Variants in RPIA observed in about 807,000 individuals in gnomAD.
RPIA encodes ribose-5-phosphate isomerase.
A neutral mutation model predicts 37.8 loss-of-function variants in RPIA; 29 were observed. The observed-to-expected ratio is 0.77, with a 90% confidence interval of 0.57 to 1.05. The LOEUF is 1.05. RPIA is among the 50% of genes least tolerant of loss of function. The pLI is 0.00. For synonymous variants in RPIA, 167 were observed against 157.0 expected (o/e 1.06, Z -0.48); for missense variants, 385 against 413.6 (o/e 0.93, Z 0.60).
intron 3 of RPIA, among the ~76,000 whole-genome samples, chr2:88,725,899 G>C (rs1404466642): frequency 6.6e-6 from 1 of 152,204 alleles, no homozygotes; most frequent in Non-Finnish European, 1.5e-5. Flanking sequence ...GGCTTAAAGT[G>C]TTCTCTCCTA....
chr2:88,744,672 G>C (rs1028153598), intron 8 of RPIA, among the ~76,000 whole-genome samples: 11 of 152,242 alleles, frequency 7.2e-5, no homozygotes, highest in African/African-American at 2.4e-4. Flanking sequence ...AAATTTGCGA[G>C]CTTTAGTATT....
chr2:88,726,426 A>G (rs1036496325), intron 3 of RPIA, among the ~76,000 whole-genome samples: 2 of 152,188 alleles, frequency 1.3e-5, no homozygotes, highest in Non-Finnish European at 2.9e-5. Context: ...GTGTGGCCCA[A>G]GACAATTCTT....
intron 8 of RPIA, among the ~76,000 whole-genome samples, chr2:88,748,105 C>A (rs894041377): frequency 2.0e-5 from 3 of 152,324 alleles, no homozygotes; most frequent in East Asian, 1.9e-4. Flanking sequence ...ACTAGTTACC[C>A]TATCTGGAGG....
chr2:88,729,837 T>A, intron 4 of RPIA, among the ~76,000 whole-genome samples: 4 of 26,918 alleles, frequency 1.5e-4, no homozygotes, highest in East Asian at 4.9e-4. Context: ...GCAAGACTAA[T>A]AAAGAAAAAA....
intron 1 of RPIA, among the ~76,000 whole-genome samples, chr2:88,695,905 T>C (rs916726124): frequency 3.3e-5 from 5 of 152,052 alleles, no homozygotes; most frequent in Non-Finnish European, 7.4e-5. Context: ...TATATGTATA[T>C]GGTTGTGGGG....
chr2:88,733,283 A>G (rs963266858), intron 4 of RPIA, among the ~76,000 whole-genome samples: 1 of 152,156 alleles, frequency 6.6e-6, no homozygotes, highest in Admixed American at 6.6e-5. Flanking sequence ...GGGAGAGGGA[A>G]AGCAAAGCTG....
At chr2:88,718,843 A>G (rs1474194814) in intron 3 of RPIA, among the ~76,000 whole-genome samples, 2 of 152,230 alleles carry the variant, frequency 1.3e-5, no homozygotes, top group Non-Finnish European at 2.9e-5. Flanking sequence ...TTGGTTCATA[A>G]GAGTATACTT....
chr2:88,736,466 G>C, intron 6 of RPIA, 69 bp from the exon 7 acceptor site: 2 of 1,564,290 alleles, frequency 1.3e-6, no homozygotes. Context: ...CCCTGTTCCT[G>C]AATTTGGTGT....
intron 5 of RPIA, among the ~76,000 whole-genome samples, chr2:88,735,278 C>T (rs887952175): frequency 2.6e-5 from 4 of 152,224 alleles, no homozygotes; most frequent in Admixed American, 6.5e-5. Flanking sequence ...TCTGGGCTCT[C>T]TCCACTTCAT....
At chr2:88,734,520 G>C in intron 4 of RPIA, 32 bp from the exon 5 acceptor site, 3 of 1,612,692 alleles carry the variant, frequency 1.9e-6, no homozygotes, top group Non-Finnish European at 2.5e-6. Flanking sequence ...CCCTCGAGTG[G>C]TTTTTGTATC....
intron 8 of RPIA, among the ~76,000 whole-genome samples, chr2:88,749,104 A>G (rs1234510021): frequency 2.0e-5 from 3 of 152,210 alleles, no homozygotes; most frequent in African/African-American, 7.2e-5. Context: ...CACTATCAAC[A>G]TCTTACACAT....
intron 3 of RPIA, 64 bp downstream of exon 3, chr2:88,700,128 G>A: frequency 6.7e-7 from 1 of 1,501,250 alleles, no homozygotes; most frequent in Non-Finnish European, 9.3e-7. Context: ...CCCCGGGGTT[G>A]TGGACCTATG....
intron 4 of RPIA, 26 bp from the exon 5 acceptor site, chr2:88,734,526 G>A (rs1183143411): frequency 6.3e-7 from 1 of 1,590,770 alleles, no homozygotes; most frequent in South Asian, 1.1e-5. Flanking sequence ...AGTGGTTTTT[G>A]TATCTTTACC....
chr2:88,729,178 C>A, intron 3 of RPIA, 100 bp from the exon 4 acceptor site: 3 of 1,269,834 alleles, frequency 2.4e-6, no homozygotes, highest in South Asian at 1.2e-5. Flanking sequence ...TGGGAGAGAG[C>A]CTGGGTAGGA....
rs1319378343 is a variant in RPIA at position 88,740,066 on chromosome 2, G to C, written c.838+1990G>C. Among the ~76,000 whole-genome samples, 3 of 152,328 alleles carry C rather than the reference G, an allele frequency of 2.0e-5. No homozygotes were observed. The South Asian group carries it at 6.2e-4, about 32-fold the overall frequency. ...AGCCAAGAAGGTAGGAGGAAGAGAA[G>C]ATTTGCAAATCACTGTTAGTAAAAT... On this transcript the variant is annotated intron_variant, in intron 8 of 8. Transcript: ENST00000283646.
At chr2:88,694,668 C>T (rs1676990144) in intron 1 of RPIA, among the ~76,000 whole-genome samples, 1 of 152,200 alleles carries the variant, frequency 6.6e-6, no homozygotes, top group African/African-American at 2.4e-5. Flanking sequence ...CTCTTACCTT[C>T]TCCTTCCCTC....
At position 88,750,214 on chromosome 2, in the gene RPIA, G is replaced by A. The variant is rs1673487907; in HGVS notation, c.*136G>A. ...TGGGGGGTGGGGGGAAGAGTGGGAG[G>A]GGGAGTTAAATCCAGTCTTATGAAG... is the stretch of plus-strand genomic sequence containing the variant. On this transcript the variant is annotated 3_prime_UTR_variant, in exon 9 of 9. Coordinates refer to ENST00000283646, the MANE Select transcript of RPIA (RefSeq NM_144563.3). The A allele has an allele frequency of 3.0e-6, 2 of 662,394 alleles. No individual in the cohort carries two copies. The highest frequency in any genetic ancestry group is 2.1e-5 in the Admixed American group (1 of 46,956). The allele number at this position is 662,394 out of a possible 1,614,324, so 41.0% of individuals were successfully genotyped here.
In RPIA at chr2:88,726,658, G is replaced by A. The variant is rs374155325; in HGVS notation, c.403-2620G>A. Among the ~76,000 whole-genome samples, 36 of 152,284 alleles carry A rather than the reference G, an allele frequency of 2.4e-4. 3 individuals carry two copies. The highest frequency in any genetic ancestry group is 1.5e-3 in the East Asian group (8 of 5,182). On this transcript the variant is annotated intron_variant, in intron 3 of 8. Coordinates refer to ENST00000283646, the MANE Select transcript of RPIA (RefSeq NM_144563.3). ...GGTAGAGAAGAAGTAGAGATAATGT[G>A]CCTTTTAGGGGAAGGAGAGCCAACT...
At chr2:88,708,492 C>T (rs555832172) in intron 3 of RPIA, among the ~76,000 whole-genome samples, 2 of 152,288 alleles carry the variant, frequency 1.3e-5, no homozygotes, top group South Asian at 4.1e-4. Flanking sequence ...ATCTTCGTCT[C>T]CAAGGAGTAC....
Sources: allele counts gnomAD v4.1 joint callset (sites outside exome capture counted in the v4.1 genomes callset), GRCh38; gene constraint gnomAD v4.1.1; transcripts MANE v1.5; gene names NCBI Gene and HGNC (gene_info 2026-07-23, HGNC 2026-07-21).